Variants in ASTN2 observed in about 807,000 individuals in gnomAD.
The protein encoded by ASTN2 is astrotactin-2.
A neutral mutation model predicts 139.8 loss-of-function variants in ASTN2; 54 were observed. The ratio of observed to expected loss-of-function variants is 0.39; its 90% CI spans 0.31 to 0.48. The LOEUF is 0.48. Among genes scored for constraint, ASTN2 ranks in the 20% least tolerant of loss-of-function variants. The pLI is 0.95. For synonymous variants in ASTN2, 756 were observed against 719.5 expected (o/e 1.05, Z -0.81); for missense variants, 1,565 against 1,725.1 (o/e 0.91, Z 1.64).
At chr9:117,060,488 T>G (rs10122921) in intron 5 of ASTN2, among the ~76,000 whole-genome samples, 2,120 of 29,372 alleles carry the variant, frequency 0.072, 114 homozygotes, top group African/African-American at 0.11. Context: ...AAGGAAGGAA[T>G]GAAAGAAAGA....
chr9:116,917,526 A>C (rs2132430241), intron 10 of ASTN2, among the ~76,000 whole-genome samples: 1 of 152,310 alleles, frequency 6.6e-6, no homozygotes, highest in South Asian at 2.1e-4. Context: ...AGAATTTCTG[A>C]ACTTGTGTCT....
intron 19 of ASTN2, among the ~76,000 whole-genome samples, chr9:116,530,296 T>C (rs2119284092): frequency 6.6e-6 from 1 of 151,234 alleles, no homozygotes; most frequent in East Asian, 2.0e-4. Context: ...AAATCTAAAA[T>C]AGTCAAACTA....
intron 20 of ASTN2, among the ~76,000 whole-genome samples, chr9:116,451,218 G>C (rs1024031481): frequency 3.3e-5 from 5 of 152,222 alleles, no homozygotes; most frequent in Non-Finnish European, 7.3e-5. Context: ...TCACTGGTAT[G>C]TGAGCATCTC....
Position 116,626,154 on chromosome 9 carries a change from GTTTTTTTTTTTTT to G in ASTN2, c.3073-5724_3073-5712del, listed in dbSNP as rs751026997. ...ACCACCATGCCTGGTTAGTTTTTGT[GTTTTTTTTTTTTT>G]TTTTTTTTTTTTTTTTTTGGTAGAG... On this transcript the variant is annotated intron_variant, in intron 17 of 22. Coordinates refer to ENST00000313400, the MANE Select transcript of ASTN2 (RefSeq NM_001365068.1). Among the ~76,000 whole-genome samples the G allele has an allele frequency of 7.3e-3, 251 of 34,442 alleles. 1 individual carries two copies. The highest frequency in any genetic ancestry group is 0.021 in the African/African-American group (236 of 11,202). 22.6% of individuals were successfully genotyped at this position (34,442 alleles called of 152,430 possible). A position where few individuals can be genotyped will look rare whatever the true frequency, so the allele number is the denominator to read the frequency against.
intron 4 of ASTN2, among the ~76,000 whole-genome samples, chr9:117,133,468 A>G (rs1829871210): frequency 6.6e-6 from 1 of 152,180 alleles, no homozygotes; most frequent in South Asian, 2.1e-4. Flanking sequence ...AGATGGGGAC[A>G]CTGAGGCCCA....
intron 19 of ASTN2, among the ~76,000 whole-genome samples, chr9:116,595,567 C>A (rs995890897): frequency 6.6e-6 from 1 of 152,000 alleles, no homozygotes; most frequent in Non-Finnish European, 1.5e-5. Context: ...CCTCATGGTC[C>A]GCCCACCTCA....
chr9:116,793,639 A>G (rs1830612954), intron 13 of ASTN2, among the ~76,000 whole-genome samples: 1 of 152,228 alleles, frequency 6.6e-6, no homozygotes, highest in Non-Finnish European at 1.5e-5. Flanking sequence ...TCCTTTGGGA[A>G]ATGGGATTGA....
chr9:117,015,812 G>A (rs1031208884), intron 6 of ASTN2, among the ~76,000 whole-genome samples: 1 of 152,016 alleles, frequency 6.6e-6, no homozygotes, highest in African/African-American at 2.4e-5. Flanking sequence ...GGTTAAGATT[G>A]GGGTTTCCTG....
Position 116,976,111 on chromosome 9 carries a change from C to T in ASTN2, c.1751+3G>A, listed in dbSNP as rs1222559613. Reference sequence around the variant, plus strand: ...TTATGCCCCAACAAGAAAGCCAACTCACCTGAGAATCTTTTCAGGGGCTTG... The same window carrying T: ...TTATGCCCCAACAAGAAAGCCAACTTACCTGAGAATCTTTTCAGGGGCTTG... On this transcript the variant is annotated splice_donor_region_variant and intron_variant, in intron 9 of 22. Transcript: ENST00000313400. The T allele has an allele frequency of 6.2e-7, 1 of 1,614,104 alleles. No individual in the cohort carries two copies. Among genetic ancestry groups the T allele is most frequent in the Non-Finnish European group, 8.5e-7 (1 of 1,179,982 alleles).
chr9:117,061,531 C>G (rs1839292733), intron 5 of ASTN2, among the ~76,000 whole-genome samples: 2 of 152,102 alleles, frequency 1.3e-5, no homozygotes, highest in African/African-American at 2.4e-5. Flanking sequence ...TCCAGGTGCT[C>G]TTTTAGCACA....
intron 2 of ASTN2, among the ~76,000 whole-genome samples, chr9:117,274,018 G>A (rs139783541): frequency 6.6e-6 from 1 of 152,234 alleles, no homozygotes; most frequent in East Asian, 1.9e-4. Context: ...ATCTCCCATG[G>A]TTATGGGCCT....
intron 19 of ASTN2, among the ~76,000 whole-genome samples, chr9:116,571,792 G>A (rs1853527167): frequency 6.6e-6 from 1 of 152,104 alleles, no homozygotes; most frequent in African/African-American, 2.4e-5. Context: ...TGGATCTACT[G>A]TATGTGTCTG....
chr9:116,438,293 GATA>G (rs1487971002), intron 22 of ASTN2, among the ~76,000 whole-genome samples: 3 of 152,160 alleles, frequency 2.0e-5, no homozygotes, highest in Admixed American at 2.0e-4. Context: ...TTAATGGTCT[GATA>G]ATATTACTCC....
chr9:116,930,999 T>TCTAC (rs896990314), intron 10 of ASTN2, among the ~76,000 whole-genome samples: 2 of 152,128 alleles, frequency 1.3e-5, no homozygotes, highest in Non-Finnish European at 2.9e-5. Flanking sequence ...TATTGCTGAA[T>TCTAC]CTACACCTCC....
At chr9:117,258,555 A>G (rs1833746235) in intron 2 of ASTN2, among the ~76,000 whole-genome samples, 1 of 152,070 alleles carries the variant, frequency 6.6e-6, no homozygotes, top group Non-Finnish European at 1.5e-5. Context: ...CTGCTCCATC[A>G]CTTTCTATTC....
intron 6 of ASTN2, among the ~76,000 whole-genome samples, chr9:117,026,420 C>T (rs956026159): frequency 6.6e-6 from 1 of 152,108 alleles, no homozygotes; most frequent in Non-Finnish European, 1.5e-5. Context: ...TCTTACAAGG[C>T]TTCCTCAACT....
intron 4 of ASTN2, among the ~76,000 whole-genome samples, chr9:117,127,448 C>T (rs542382073): frequency 6.6e-6 from 1 of 152,238 alleles, no homozygotes; most frequent in South Asian, 2.1e-4. Context: ...GGCTCTTTCT[C>T]TCTACGGAAA....
intron 2 of ASTN2, among the ~76,000 whole-genome samples, chr9:117,275,598 C>T (rs1349255435): frequency 1.6e-5 from 2 of 125,872 alleles, no homozygotes; most frequent in Non-Finnish European, 3.2e-5. Flanking sequence ...CGGAGTCTTA[C>T]TCTGTTGCCC....
intron 19 of ASTN2, among the ~76,000 whole-genome samples, chr9:116,516,706 G>C (rs1452402671): frequency 3.9e-5 from 6 of 152,220 alleles, no homozygotes; most frequent in African/African-American, 1.2e-4. Context: ...AGAGGGGCTT[G>C]TGATCTGGGG....
Sources: allele counts gnomAD v4.1 joint callset (sites outside exome capture counted in the v4.1 genomes callset), GRCh38; gene constraint gnomAD v4.1.1; transcripts MANE v1.5; gene names NCBI Gene and HGNC (gene_info 2026-07-23, HGNC 2026-07-21).